The following LRTM1 variants were observed in gnomAD, a reference collection of about 807,000 sequenced individuals.
LRTM1 encodes the protein leucine-rich repeat and transmembrane domain-containing protein 1.
In LRTM1, 38 loss-of-function variants were observed where a neutral mutation model predicts 32.4. The ratio of observed to expected loss-of-function variants is 1.17; its 90% CI spans 0.91 to 1.54. The LOEUF (loss-of-function observed/expected upper bound fraction) is 1.54. Ranked by LOEUF, LRTM1 falls within the 40% of genes most tolerant of loss-of-function variation. LRTM1 has a pLI of 0.00. For missense variants in LRTM1, 466 were observed against 415.4 expected (o/e 1.12, Z -1.06); for synonymous variants, 186 against 169.9 (o/e 1.09, Z -0.74).
At chr3:54,919,640 G>T (rs1248141578) in intron 2 of LRTM1, among the ~76,000 whole-genome samples, 1 of 152,228 alleles carries the variant, frequency 6.6e-6, no homozygotes, top group African/African-American at 2.4e-5. Flanking sequence ...CCTAGAGAGA[G>T]CCCTGAGCTA....
At chr3:54,954,879 G>A (rs1025982673) in intron 1 of LRTM1, among the ~76,000 whole-genome samples, 1 of 152,192 alleles carries the variant, frequency 6.6e-6, no homozygotes, top group African/African-American at 2.4e-5. Context: ...ATTTCTCAGA[G>A]ACAGCATGAG....
In LRTM1 at chr3:54,924,874, G is replaced by T. The variant is rs35540470; in HGVS notation, c.349C>A (p.Leu117Ile). ...QNSLLSLESR[L>I]FHSLPQLREL... The stretch of plus-strand genomic sequence containing the variant: ...CTCAGCTGAGGGAGGGAATGGAAAA[G>T]TCTGCTTTCCAGGGAAAGGAGTGAA... Residue 117 changes from leucine (L) to isoleucine (I), a missense_variant, in exon 2 of 3, where the codon CTT becomes ATT. Coordinates refer to ENST00000273286, the MANE Select transcript of LRTM1 (RefSeq NM_020678.4). 6.2e-7 allele frequency: 1 copy of T among 1,613,770 alleles called. No individual in the cohort carries two copies. The highest frequency in any genetic ancestry group is 1.3e-5 in the African/African-American group (1 of 75,002).
chr3:54,925,272 C>A, intron 1 of LRTM1, 57 bp from the exon 2 acceptor site: 1 of 1,402,970 alleles, frequency 7.1e-7, no homozygotes, highest in Non-Finnish European at 9.9e-7. Flanking sequence ...GTGGTATCAG[C>A]ACTTTTCCGC....
chr3:54,921,388 A>C (rs1044808393), intron 2 of LRTM1, among the ~76,000 whole-genome samples: 3 of 152,168 alleles, frequency 2.0e-5, no homozygotes, highest in African/African-American at 7.2e-5. Context: ...TTAGCATAAT[A>C]CCTAGCTCAG....
chr3:54,929,441 A>G (rs781526157), upstream of LRTM1, among the ~76,000 whole-genome samples: 2 of 152,224 alleles, frequency 1.3e-5, no homozygotes, highest in Non-Finnish European at 2.9e-5. Flanking sequence ...CTCTGCAGGT[A>G]CAAAGGGAAG....
chr3:54,962,972 T>C (rs1278236357), intron 1 of LRTM1, among the ~76,000 whole-genome samples: 1 of 152,246 alleles, frequency 6.6e-6, no homozygotes, highest in East Asian at 1.9e-4. Flanking sequence ...TTATTTCTAA[T>C]TTTATATTTT....
In LRTM1 at chr3:54,918,708, C is replaced by G. The variant is rs551816704; in HGVS notation, c.789G>C (p.Ala263=). ...CGCACTCCAAGAGTTCTCGCTCCCC[C>G]GCGTTGTGGTTCTCAGGAGGCCTCA... The part of the protein sequence containing the change: ...VVLRPPENHN[A]GERELLECEL... Residue 263 remains alanine (A), a synonymous_variant, in exon 3 of 3, where the codon GCG becomes GCC. Coordinates refer to ENST00000273286, the MANE Select transcript of LRTM1 (RefSeq NM_020678.4). 7 of 1,614,014 alleles carry G rather than the reference C, an allele frequency of 4.3e-6. No homozygotes were observed. The highest frequency in any genetic ancestry group is 1.7e-5 in the Admixed American group (1 of 60,004).
Position 54,965,497 on chromosome 3 carries a change from T to G in LRTM1, c.-222+1431A>C, listed in dbSNP as rs188541949. On this transcript the variant is annotated intron_variant, in intron 1 of 2. Coordinates refer to the LRTM1 transcript ENST00000493075. ...TCACCAGGCCAAGTCAGCCCCATTC[T>G]CTGCACGCTCCAGTTCTTTATGCCT... Among the ~76,000 whole-genome samples the G allele has an allele frequency of 9.2e-4, 140 of 152,330 alleles. 3 individuals carry two copies. The South Asian group carries it at 0.012, about 13-fold the overall frequency.
chr3:54,928,585 G>A (rs1246034822), upstream of LRTM1, among the ~76,000 whole-genome samples: 1 of 152,128 alleles, frequency 6.6e-6, no homozygotes, highest in Non-Finnish European at 1.5e-5. Context: ...TGTTGACAGG[G>A]TCTTGATGCC....
At chr3:54,923,584 C>T (rs1183170556) in intron 2 of LRTM1, among the ~76,000 whole-genome samples, 3 of 152,184 alleles carry the variant, frequency 2.0e-5, no homozygotes, top group Admixed American at 2.0e-4. Context: ...TCTGTTTCTA[C>T]TACCAGAATG....
chr3:54,947,718 G>C (rs1342642136), intron 1 of LRTM1, among the ~76,000 whole-genome samples: 1 of 152,098 alleles, frequency 6.6e-6, no homozygotes, highest in Non-Finnish European at 1.5e-5. Flanking sequence ...ACTCGGTCTT[G>C]GGAACAGAAG....
intron 1 of LRTM1, among the ~76,000 whole-genome samples, chr3:54,966,022 C>T (rs1314693720): frequency 1.3e-5 from 2 of 152,024 alleles, no homozygotes; most frequent in Non-Finnish European, 2.9e-5. Context: ...GGTAGAGGAC[C>T]GACAGGGGCA....
At chr3:54,922,320 CTTT>C (rs199955110) in intron 2 of LRTM1, among the ~76,000 whole-genome samples, 2 of 137,002 alleles carry the variant, frequency 1.5e-5, no homozygotes, top group African/African-American at 2.6e-5. Flanking sequence ...GTCCTGGGAA[CTTT>C]TTTTTTTTTT....
intron 1 of LRTM1, among the ~76,000 whole-genome samples, chr3:54,944,396 GTATTTATTTATT>G (rs542683931): frequency 3.0e-4 from 45 of 148,634 alleles, no homozygotes; most frequent in South Asian, 1.5e-3. Context: ...ATTTCCCAGG[GTATTTATTTATT>G]TATTTATTTA....
At chr3:54,948,987 C>G (rs1049726954) in intron 1 of LRTM1, among the ~76,000 whole-genome samples, 1 of 152,324 alleles carries the variant, frequency 6.6e-6, no homozygotes, top group Middle Eastern at 3.4e-3. Flanking sequence ...ACAGTTGGAT[C>G]TGGGGCTCAG....
intron 1 of LRTM1, among the ~76,000 whole-genome samples, chr3:54,935,543 C>T (rs1191922289): frequency 6.6e-6 from 1 of 152,130 alleles, no homozygotes; most frequent in African/African-American, 2.4e-5. Flanking sequence ...TTACTTAGAT[C>T]TTTTGAGTGG....
At position 54,928,048 on chromosome 3, in the gene LRTM1, A is replaced by C. The variant is rs1408048725; in HGVS notation, c.-137T>G. ...CTGAACCCTGCCCTTGCTTTTCTTC[A>C]ATGCAGAAAACAGTTGTTGCTTTCA... is the stretch of plus-strand genomic sequence containing the variant. On this transcript the variant is annotated 5_prime_UTR_variant, in exon 1 of 3. The change creates a new upstream start codon in the 5' untranslated region. Coordinates refer to ENST00000273286, the MANE Select transcript of LRTM1 (RefSeq NM_020678.4). 3.9e-6 allele frequency: 3 copies of C among 776,706 alleles called. No individual in the cohort carries two copies. Among genetic ancestry groups the C allele is most frequent in the African/African-American group, 3.5e-5 (2 of 57,832 alleles). 48.1% of individuals were successfully genotyped at this position (776,706 alleles called of 1,614,324 possible). A position where few individuals can be genotyped will look rare whatever the true frequency, so the allele number is the denominator to read the frequency against.
intron 1 of LRTM1, among the ~76,000 whole-genome samples, chr3:54,933,811 C>T (rs1246697467): frequency 6.6e-6 from 1 of 150,604 alleles, no homozygotes; most frequent in African/African-American, 2.4e-5. Flanking sequence ...CAGGCCACTG[C>T]AGGCTAGAGT....
chr3:54,956,118 G>A (rs1701886996), intron 1 of LRTM1, among the ~76,000 whole-genome samples: 1 of 152,080 alleles, frequency 6.6e-6, no homozygotes, highest in South Asian at 2.1e-4. Flanking sequence ...AGCTCTTCTG[G>A]GAGGATCTGC....
Sources: gnomAD v4.1 joint callset for allele counts (sites outside exome capture counted in the v4.1 genomes callset) on GRCh38, gnomAD v4.1.1 for gene constraint, MANE v1.5 for transcripts, NCBI Gene and HGNC (gene_info 2026-07-23, HGNC 2026-07-21) for gene names.